Variants in SH3GLB1 observed in about 807,000 individuals in gnomAD.
The protein encoded by SH3GLB1 is endophilin-B1.
SH3GLB1 carries 17 observed loss-of-function variants against 42.0 expected under a neutral mutation model. The ratio of observed to expected loss-of-function variants is 0.40; its 90% CI spans 0.28 to 0.61. SH3GLB1 has a LOEUF of 0.61. SH3GLB1 is among the 20% of genes least tolerant of loss of function. The probability of loss-of-function intolerance (pLI) is 0.36; values close to 1 mark genes in which losing one functional copy is unlikely to be tolerated. For missense variants in SH3GLB1, 355 were observed against 426.3 expected, an observed-to-expected ratio of 0.83 and a Z score of 1.47; for synonymous variants, 132 against 146.6, an observed-to-expected ratio of 0.90 and a Z score of 0.72.
At chr1:86,707,729 A>T (rs1570402683) in intron 1 of SH3GLB1, among the ~76,000 whole-genome samples, 1 of 149,792 alleles carries the variant, frequency 6.7e-6, no homozygotes, top group Non-Finnish European at 1.5e-5. Context: ...GCTCATTGCA[A>T]CCTTCGCCTC....
chr1:86,736,049 T>C (rs1195573457), intron 7 of SH3GLB1, among the ~76,000 whole-genome samples: 2 of 152,124 alleles, frequency 1.3e-5, no homozygotes, highest in Non-Finnish European at 2.9e-5. Flanking sequence ...AGGAAGAATA[T>C]GTTTATAAAA....
chr1:86,745,520 G>C lies in SH3GLB1; in HGVS notation c.*2285G>C, dbSNP rs566647767. On this transcript the variant is annotated 3_prime_UTR_variant, in exon 9 of 9. Transcript: ENST00000370558. ...CCCAGGTTTAACCTTCCCACAGTCA[G>C]TATAAATCATTTTTCAGAACTTTCA... 1 of 152,100 alleles carries C rather than the reference G, an allele frequency of 6.6e-6. No homozygotes were observed. Among genetic ancestry groups the C allele is most frequent in the East Asian group, 1.9e-4 (1 of 5,194 alleles). The allele number at this position is 152,100 out of a possible 1,614,324, so 9.4% of individuals were successfully genotyped here. A position where few individuals can be genotyped will look rare whatever the true frequency, so the allele number is the denominator to read the frequency against.
intron 5 of SH3GLB1, chr1:86,730,399 G>GC (rs1655441683): frequency 1.0e-6 from 1 of 982,954 alleles, no homozygotes; most frequent in Non-Finnish European, 1.2e-6. Flanking sequence ...CAGGCGAAAT[G>GC]CTTGTTAATG....
At chr1:86,716,948 T>C (rs1008068171) in intron 2 of SH3GLB1, among the ~76,000 whole-genome samples, 1 of 152,228 alleles carries the variant, frequency 6.6e-6, no homozygotes, top group Admixed American at 6.5e-5. Context: ...ATATTAGCAG[T>C]TCTCTATCAT....
At chr1:86,708,452 A>G (rs1467698197) in intron 1 of SH3GLB1, among the ~76,000 whole-genome samples, 2 of 152,208 alleles carry the variant, frequency 1.3e-5, no homozygotes, top group Non-Finnish European at 2.9e-5. Flanking sequence ...TTACTTAAAA[A>G]TTTCTAAGTT....
intron 5 of SH3GLB1, among the ~76,000 whole-genome samples, chr1:86,726,987 A>G (rs371347927): frequency 1.3e-5 from 2 of 151,826 alleles, no homozygotes; most frequent in Admixed American, 1.3e-4. Context: ...GCAACTAGTT[A>G]CTCTGCTAGT....
intron 2 of SH3GLB1, among the ~76,000 whole-genome samples, chr1:86,718,797 G>GT (rs1171021319): frequency 1.3e-5 from 2 of 152,044 alleles, no homozygotes; most frequent in African/African-American, 4.8e-5. Flanking sequence ...TTCAGCTTTT[G>GT]TTTTTTTCCC....
chr1:86,716,934 A>G (rs1389367211), intron 2 of SH3GLB1, among the ~76,000 whole-genome samples: 2 of 152,240 alleles, frequency 1.3e-5, no homozygotes, highest in Non-Finnish European at 2.9e-5. Flanking sequence ...CAAGCACTAT[A>G]TAAATATTAG....
chr1:86,712,365 A>G (rs1374319655), intron 1 of SH3GLB1, among the ~76,000 whole-genome samples: 1 of 152,174 alleles, frequency 6.6e-6, no homozygotes, highest in Non-Finnish European at 1.5e-5. Context: ...AGAAAATACT[A>G]ATTTTGGAAA....
intron 8 of SH3GLB1, among the ~76,000 whole-genome samples, chr1:86,742,816 C>T (rs1656120840): frequency 6.6e-6 from 1 of 151,874 alleles, no homozygotes; most frequent in Non-Finnish European, 1.5e-5. Context: ...GAAAAATTAG[C>T]TGGGCATGGT....
rs1654801618 is a variant in SH3GLB1, at chr1:86,720,373, A to G, written c.343+738A>G. 3.9e-5 allele frequency among the ~76,000 whole-genome samples: 6 copies of G among 152,228 alleles called. 1 individual carries two copies. The highest frequency in any genetic ancestry group is 3.9e-4 in the Admixed American group (6 of 15,282). On this transcript the variant is annotated intron_variant, in intron 3 of 8. Coordinates refer to ENST00000370558, the MANE Select transcript of SH3GLB1 (RefSeq NM_016009.5). Reference sequence around the variant, plus strand: ...GTTATAATTTTGCAGTAATGTCAGTAACCAAAAAATATTAACAATTGTTAT... The same window carrying G: ...GTTATAATTTTGCAGTAATGTCAGTGACCAAAAAATATTAACAATTGTTAT...
chr1:86,724,544 A>T, intron 5 of SH3GLB1, 139 bp downstream of exon 5: 7 of 683,184 alleles, frequency 1.0e-5, no homozygotes, highest in Non-Finnish European at 1.2e-5. Flanking sequence ...AGAACTTAAT[A>T]CATCCAAATC....
intron 1 of SH3GLB1, among the ~76,000 whole-genome samples, chr1:86,712,865 A>C (rs1174032892): frequency 6.6e-6 from 1 of 152,100 alleles, no homozygotes; most frequent in African/African-American, 2.4e-5. Flanking sequence ...ACTTGGTGCA[A>C]ATACCCATCT....
At chr1:86,711,802 T>G (rs1255226438) in intron 1 of SH3GLB1, among the ~76,000 whole-genome samples, 1 of 152,058 alleles carries the variant, frequency 6.6e-6, no homozygotes, top group African/African-American at 2.4e-5. Context: ...TATTATAATT[T>G]TGTTTGAGTC....
At chr1:86,719,995 C>CAAAAAA (rs570115346) in intron 3 of SH3GLB1, among the ~76,000 whole-genome samples, 4 of 62,414 alleles carry the variant, frequency 6.4e-5, no homozygotes, top group Admixed American at 1.8e-4. Flanking sequence ...GACTCTGTCT[C>CAAAAAA]AAAAAAAAAA....
chr1:86,735,800 A>G (rs2101978890), intron 7 of SH3GLB1, among the ~76,000 whole-genome samples: 1 of 152,326 alleles, frequency 6.6e-6, no homozygotes, highest in East Asian at 1.9e-4. Context: ...GGTGACACTG[A>G]AAATAAAATA....
intron 7 of SH3GLB1, among the ~76,000 whole-genome samples, chr1:86,741,984 A>G (rs183246978): frequency 2.0e-5 from 3 of 152,340 alleles, no homozygotes; most frequent in Non-Finnish European, 4.4e-5. Flanking sequence ...GTTTTGAAAC[A>G]GACTTTCAAG....
At chr1:86,742,960 C>CA (rs1656128561) in intron 8 of SH3GLB1, among the ~76,000 whole-genome samples, 168 bp from the exon 9 acceptor site, 1 of 152,054 alleles carries the variant, frequency 6.6e-6, no homozygotes, top group African/African-American at 2.4e-5. Flanking sequence ...GACCCTGCCT[C>CA]AAAAAACTAA....
chr1:86,714,818 A>G (rs979305241), intron 1 of SH3GLB1, among the ~76,000 whole-genome samples: 3 of 152,166 alleles, frequency 2.0e-5, no homozygotes, highest in South Asian at 4.1e-4. Flanking sequence ...TGCATGATAA[A>G]CAGCTTGAGT....
Sources: gnomAD v4.1 joint callset for allele counts (sites outside exome capture counted in the v4.1 genomes callset) on GRCh38, gnomAD v4.1.1 for gene constraint, MANE v1.5 for transcripts, NCBI Gene and HGNC (gene_info 2026-07-23, HGNC 2026-07-21) for gene names.